The following NTRK2 variants were observed in gnomAD, a reference collection of about 807,000 sequenced individuals.
NTRK2 encodes the protein neurotrophic receptor tyrosine kinase 2.
NTRK2 carries 13 observed loss-of-function variants against 94.5 expected under a neutral mutation model. That is an observed-to-expected ratio of 0.14 (90% CI 0.09 to 0.22). NTRK2 has a LOEUF of 0.22. NTRK2 is among the 10% of genes least tolerant of loss of function. The pLI, the probability that NTRK2 is intolerant of heterozygous loss-of-function variation, is 1.00. For synonymous variants in NTRK2, 372 were observed against 407.4 expected (o/e 0.91, Z 1.05); for missense variants, 639 against 1,071.2 (o/e 0.60, Z 5.63).
At chr9:84,836,813 G>A (rs2073897554) in intron 12 of NTRK2, among the ~76,000 whole-genome samples, 1 of 150,480 alleles carries the variant, frequency 6.6e-6, no homozygotes, top group African/African-American at 2.4e-5. Flanking sequence ...GATCAGTAAA[G>A]TCTACAAAGA....
At chr9:84,908,756 TG>T (rs1029886418) in intron 14 of NTRK2, among the ~76,000 whole-genome samples, 8 of 152,188 alleles carry the variant, frequency 5.3e-5, no homozygotes, top group Non-Finnish European at 1.2e-4. Flanking sequence ...TAATAATGAA[TG>T]GTAGCTTTTA....
intron 2 of NTRK2, among the ~76,000 whole-genome samples, chr9:84,681,624 C>G (rs1402426382): frequency 6.6e-6 from 1 of 152,030 alleles, no homozygotes; most frequent in East Asian, 1.9e-4. Flanking sequence ...TAATTCATGC[C>G]ATCATCATCT....
At chr9:84,801,971 T>G (rs577249328) in intron 12 of NTRK2, among the ~76,000 whole-genome samples, 2 of 152,370 alleles carry the variant, frequency 1.3e-5, no homozygotes, top group South Asian at 4.1e-4. Flanking sequence ...TCACATGTTT[T>G]TCAAGGCCTC....
chr9:84,840,846 G>T (rs1445146910), intron 12 of NTRK2, among the ~76,000 whole-genome samples: 1 of 152,032 alleles, frequency 6.6e-6, no homozygotes, highest in Admixed American at 6.6e-5. Flanking sequence ...TTCAGAGGTC[G>T]TTGCATTGCT....
chr9:84,909,239 G>A (rs528407536), intron 14 of NTRK2, among the ~76,000 whole-genome samples: 1 of 152,276 alleles, frequency 6.6e-6, no homozygotes, highest in South Asian at 2.1e-4. Flanking sequence ...CAAGGTGGTT[G>A]TGTGTATCAG....
intron 9 of NTRK2, among the ~76,000 whole-genome samples, chr9:84,733,470 C>T (rs2063031628): frequency 1.3e-5 from 2 of 152,180 alleles, no homozygotes; most frequent in South Asian, 4.1e-4. Flanking sequence ...AACAGAGGGT[C>T]CTGGGCTACC....
At chr9:84,771,949 G>A (rs2066590995) in intron 12 of NTRK2, among the ~76,000 whole-genome samples, 1 of 152,180 alleles carries the variant, frequency 6.6e-6, no homozygotes, top group African/African-American at 2.4e-5. Context: ...TATTTTTATT[G>A]TATTTTTGCC....
intron 17 of NTRK2, among the ~76,000 whole-genome samples, chr9:84,993,412 C>G (rs1190457789): frequency 6.6e-6 from 1 of 152,178 alleles, no homozygotes; most frequent in Admixed American, 6.5e-5. Flanking sequence ...TCAAGTGCTT[C>G]CTATCTCAGT....
chr9:84,839,899 G>C (rs1228332738), intron 12 of NTRK2, among the ~76,000 whole-genome samples: 1 of 152,126 alleles, frequency 6.6e-6, no homozygotes, highest in Non-Finnish European at 1.5e-5. Flanking sequence ...TGAAACTACA[G>C]GGCTTTGGGT....
chr9:84,948,801 A>T (rs147701157), intron 16 of NTRK2, among the ~76,000 whole-genome samples, 167 bp downstream of exon 16: 10 of 152,336 alleles, frequency 6.6e-5, no homozygotes, highest in African/African-American at 1.9e-4. Flanking sequence ...AAAGAAGGTG[A>T]CAGTCTTGTT....
chr9:85,013,053 G>A (rs1831804253), intron 17 of NTRK2, among the ~76,000 whole-genome samples: 1 of 152,160 alleles, frequency 6.6e-6, no homozygotes, highest in Non-Finnish European at 1.5e-5. Context: ...TCCATTTCCA[G>A]GGCTCAAAAG....
intron 2 of NTRK2, among the ~76,000 whole-genome samples, chr9:84,672,584 ATTG>A (rs1362039961): frequency 3.9e-5 from 6 of 152,074 alleles, no homozygotes; most frequent in Admixed American, 1.3e-4. Context: ...ACAGTCAGAT[ATTG>A]TTGTGTGTGT....
chr9:84,705,338 G>GT (rs2060979632), intron 4 of NTRK2, among the ~76,000 whole-genome samples: 1 of 152,132 alleles, frequency 6.6e-6, no homozygotes, highest in African/African-American at 2.4e-5. Flanking sequence ...TGGTATTTGT[G>GT]TTTTCCAGGG....
intron 4 of NTRK2, among the ~76,000 whole-genome samples, chr9:84,705,655 T>A (rs1438645301): frequency 6.6e-6 from 1 of 152,162 alleles, no homozygotes; most frequent in Non-Finnish European, 1.5e-5. Context: ...AAGCAGGTTT[T>A]TGGTTTTTCG....
chr9:84,871,254 T>A (rs1040922455), intron 14 of NTRK2, among the ~76,000 whole-genome samples: 1 of 152,198 alleles, frequency 6.6e-6, no homozygotes, highest in Non-Finnish European at 1.5e-5. Flanking sequence ...GGAAAAATGA[T>A]ATGGGCTAGT....
chr9:84,771,486 C>T (rs1453425739), intron 12 of NTRK2, among the ~76,000 whole-genome samples: 2 of 152,098 alleles, frequency 1.3e-5, no homozygotes, highest in Non-Finnish European at 2.9e-5. Flanking sequence ...GTATTGGGAC[C>T]TGATTGAATT....
At chr9:84,959,716 C>G (rs542495808) in intron 17 of NTRK2, among the ~76,000 whole-genome samples, 2 of 152,274 alleles carry the variant, frequency 1.3e-5, no homozygotes, top group East Asian at 1.9e-4. Context: ...ATCTGCAGTA[C>G]CAGTCTTTTG....
intron 12 of NTRK2, among the ~76,000 whole-genome samples, chr9:84,827,304 T>C (rs1017014275): frequency 2.0e-5 from 3 of 152,210 alleles, no homozygotes; most frequent in Non-Finnish European, 4.4e-5. Flanking sequence ...GGGCAGCTGA[T>C]ACTCACTCGT....
chr9:84,903,193 C>T lies in NTRK2; in HGVS notation c.1634-30969C>T, dbSNP rs148422858. Among the ~76,000 whole-genome samples the T allele has an allele frequency of 2.4e-4, 37 of 152,312 alleles. 1 individual carries two copies. The highest frequency in any genetic ancestry group is 7.9e-4 in the African/African-American group (33 of 41,572). ...TACAGTGCAGATGGAACATTTCCAT[C>T]ACTGCAGAAAGGTCTGTTGGTGCTT... On this transcript the variant is annotated intron_variant, in intron 14 of 18. Transcript: ENST00000277120.
Sources: allele counts gnomAD v4.1 joint callset (sites outside exome capture counted in the v4.1 genomes callset), GRCh38; gene constraint gnomAD v4.1.1; transcripts MANE v1.5; gene names NCBI Gene and HGNC (gene_info 2026-07-23, HGNC 2026-07-21).